The following WDTC1 variants were observed in gnomAD, a reference collection of about 807,000 sequenced individuals.
WDTC1 encodes WD and tetratricopeptide repeats 1, also known as WD and tetratricopeptide repeats protein 1.
In WDTC1, 12 loss-of-function variants were observed where a neutral mutation model predicts 76.0. That is an observed-to-expected ratio of 0.16 (90% CI 0.10 to 0.26). The LOEUF (loss-of-function observed/expected upper bound fraction) is 0.26. WDTC1 is among the 10% of genes least tolerant of loss of function. The probability of loss-of-function intolerance (pLI) is 1.00; values close to 1 mark genes in which losing one functional copy is unlikely to be tolerated. For missense variants in WDTC1, 511 were observed against 908.8 expected (o/e 0.56, Z 5.63); for synonymous variants, 326 against 350.8 (o/e 0.93, Z 0.79).
chr1:27,245,789 C>T lies in WDTC1; in HGVS notation c.-100+10838C>T, dbSNP rs12037736. Among the ~76,000 whole-genome samples the T allele has an allele frequency of 7.3e-4, 111 of 151,484 alleles. 2 individuals carry two copies. In the East Asian group the frequency reaches 0.015, roughly 20 times the overall value. On this transcript the variant is annotated intron_variant, in intron 1 of 15. Coordinates refer to ENST00000319394, the MANE Select transcript of WDTC1 (RefSeq NM_001276252.2). Reference sequence around the variant, plus strand: ...TTCACCATGTTGGCCAGGCTGGTCTCGAACTCCTGACCTCCTGGTCCACCC... The same window carrying T: ...TTCACCATGTTGGCCAGGCTGGTCTTGAACTCCTGACCTCCTGGTCCACCC...
chr1:27,306,640 A>C lies in WDTC1; in HGVS notation c.*257A>C. On this transcript the variant is annotated 3_prime_UTR_variant, in exon 16 of 16. Transcript: ENST00000319394. The surrounding 1 kb of genome is among the most constrained non-coding windows in gnomAD (Gnocchi z 5.0). The stretch of plus-strand genomic sequence containing the variant: ...GACACCCCTCCATATGCCCCCCCCC[A>C]TCTCCTGCTTTCATGTCCCTGGAGG... 5.8e-6 allele frequency: 3 copies of C among 518,510 alleles called. No homozygotes were observed. The highest frequency in any genetic ancestry group is 2.2e-5 in the South Asian group (1 of 44,680). 32.1% of individuals were successfully genotyped at this position (518,510 alleles called of 1,614,324 possible).
In WDTC1 at chr1:27,305,220, GAGGGC is replaced by G; in HGVS notation, c.1836+32_1836+36del. The stretch of plus-strand genomic sequence containing the variant: ...TGAGGGTGCAGAGCCAAGCAGAGAG[GAGGGC>G]AGGGACTCTGTGGAAGGCTCCAGTG... On this transcript the variant is annotated intron_variant, in intron 15 of 15. Coordinates refer to ENST00000319394, the MANE Select transcript of WDTC1 (RefSeq NM_001276252.2). The surrounding 1 kb of genome is among the most constrained non-coding windows in gnomAD (Gnocchi z 4.6). 6.2e-7 allele frequency: 1 copy of G among 1,607,318 alleles called. No homozygotes were observed. Among genetic ancestry groups the G allele is most frequent in the East Asian group, 2.2e-5 (1 of 44,770 alleles).
chr1:27,258,482 A>C lies in WDTC1; in HGVS notation c.-99-2474A>C, dbSNP rs1043674224. ...AGGAGGCAGAGGTTGCAGTGAGCCAAGATTATGCCACTGCACTCCAGCCTG... is the reference window on the plus strand; with the variant it reads ...AGGAGGCAGAGGTTGCAGTGAGCCACGATTATGCCACTGCACTCCAGCCTG... On this transcript the variant is annotated intron_variant, in intron 1 of 15. Transcript: ENST00000319394. Among the ~76,000 whole-genome samples the C allele has an allele frequency of 4.5e-4, 63 of 140,326 alleles. 4 individuals are homozygous for C. Among genetic ancestry groups the C allele is most frequent in the Non-Finnish European group, 1.5e-5 (1 of 65,712 alleles). 92.1% of individuals were successfully genotyped at this position (140,326 alleles called of 152,430 possible).
intron 8 of WDTC1, 152 bp downstream of exon 8, chr1:27,294,268 GCTATGTCAC>G: frequency 1.2e-6 from 1 of 866,824 alleles, no homozygotes; most frequent in African/African-American, 1.7e-5. Context: ...CCATTGACAA[GCTATGTCAC>G]CTTCAGCAAA....
At chr1:27,293,453 A>AAG (rs397738654) in intron 7 of WDTC1, among the ~76,000 whole-genome samples, 4 of 150,114 alleles carry the variant, frequency 2.7e-5, no homozygotes, top group African/African-American at 7.3e-5. Context: ...AAAAAAAAAA[A>AAG]GTATAAATTA....
chr1:27,253,284 G>T (rs1051651293), intron 1 of WDTC1, among the ~76,000 whole-genome samples: 6 of 151,526 alleles, frequency 4.0e-5, no homozygotes, highest in African/African-American at 9.7e-5. Flanking sequence ...CAAAGTGCTG[G>T]GATTACAGGT....
chr1:27,304,770 T>C (rs954910737), intron 14 of WDTC1: 2 of 478,404 alleles, frequency 4.2e-6, no homozygotes, highest in Admixed American at 3.5e-5. Flanking sequence ...TAATGAACTA[T>C]AGGGGAGACT....
chr1:27,257,364 T>C (rs1192734692), intron 1 of WDTC1, among the ~76,000 whole-genome samples: 1 of 152,072 alleles, frequency 6.6e-6, no homozygotes, highest in Non-Finnish European at 1.5e-5. Context: ...CAGGAATGAG[T>C]GTCTACTTGG....
In WDTC1 at chr1:27,302,342, C is replaced by T. The variant is rs553842957; in HGVS notation, c.1468+881C>T. On this transcript the variant is annotated intron_variant, in intron 13 of 15. Coordinates refer to ENST00000319394, the MANE Select transcript of WDTC1 (RefSeq NM_001276252.2). ...CATGGGGACCTGAATGGTGTGCATG[C>T]TGGGAGGGGGTGGGCTTGATGGCAT... Among the ~76,000 whole-genome samples the T allele has an allele frequency of 7.3e-5, 11 of 151,600 alleles. No homozygotes were observed. The East Asian group carries it at 1.9e-3, about 27-fold the overall frequency.
chr1:27,263,880 T>C (rs868652558), intron 3 of WDTC1, among the ~76,000 whole-genome samples: 7 of 152,002 alleles, frequency 4.6e-5, no homozygotes, highest in South Asian at 2.1e-4. Flanking sequence ...CATATACATA[T>C]ACGTATACAT....
intron 1 of WDTC1, among the ~76,000 whole-genome samples, chr1:27,239,428 G>C (rs1314278955): frequency 6.6e-6 from 1 of 150,776 alleles, no homozygotes; most frequent in South Asian, 2.1e-4. Flanking sequence ...AATCTGAGGC[G>C]GGGGCATCAC....
chr1:27,268,181 C>G (rs1557489998), intron 3 of WDTC1, among the ~76,000 whole-genome samples: 1 of 152,130 alleles, frequency 6.6e-6, no homozygotes, highest in South Asian at 2.1e-4. Context: ...TGGCTCACCC[C>G]TGTAATCTCA....
intron 3 of WDTC1, among the ~76,000 whole-genome samples, chr1:27,272,523 T>C (rs2012901442): frequency 6.6e-6 from 1 of 152,222 alleles, no homozygotes; most frequent in Non-Finnish European, 1.5e-5. Flanking sequence ...CATAACTACT[T>C]TGTGTATGTT....
chr1:27,284,368 A>G (rs2013271604), intron 5 of WDTC1, among the ~76,000 whole-genome samples: 2 of 152,224 alleles, frequency 1.3e-5, no homozygotes, highest in African/African-American at 4.8e-5. Flanking sequence ...GTGAGAATGA[A>G]GTTGTCCTTC....
rs1238895309 is a variant in WDTC1, at chr1:27,306,974, C to CTG, written c.*594_*595dup. 6.4e-6 allele frequency: 1 copy of CTG among 156,300 alleles called. No individual in the cohort carries two copies. The highest frequency in any genetic ancestry group is 1.4e-5 in the Non-Finnish European group (1 of 70,666). 9.7% of individuals were successfully genotyped at this position (156,300 alleles called of 1,614,324 possible). ...AAGACCAGGCCACCTGCTGAGGTCG[C>CTG]TGTGGAGCACCCTCGCTCCTCTCCT... On this transcript the variant is annotated 3_prime_UTR_variant, in exon 16 of 16. Transcript: ENST00000319394. The surrounding 1 kb of genome is among the most constrained non-coding windows in gnomAD (Gnocchi z 5.0).
At chr1:27,299,071 CCT>C (rs1242100479) in intron 12 of WDTC1, among the ~76,000 whole-genome samples, 1 of 152,198 alleles carries the variant, frequency 6.6e-6, no homozygotes, top group African/African-American at 2.4e-5. Context: ...AGTTGATTCA[CCT>C]CTCTGTCCAA....
intron 10 of WDTC1, 38 bp from the exon 11 acceptor site, chr1:27,297,010 T>G: frequency 6.3e-7 from 1 of 1,597,166 alleles, no homozygotes; most frequent in Non-Finnish European, 8.6e-7. Flanking sequence ...GTCCTCTTCC[T>G]GAGTTGTTGC....
intron 3 of WDTC1, among the ~76,000 whole-genome samples, chr1:27,281,666 C>G (rs1448113626): frequency 6.6e-6 from 1 of 151,910 alleles, no homozygotes; most frequent in African/African-American, 2.4e-5. Context: ...TCAGCTCACT[C>G]CAACCTCCAC....
chr1:27,306,502 T>C lies in WDTC1; in HGVS notation c.*119T>C. On this transcript the variant is annotated 3_prime_UTR_variant, in exon 16 of 16. Coordinates refer to ENST00000319394, the MANE Select transcript of WDTC1 (RefSeq NM_001276252.2). This position sits in a 1 kb window ranked among gnomAD's most constrained non-coding sequence, Gnocchi z 5.0. ...CCACCCTTTTTTTTCATTTCCCCTG[T>C]TTTGTTTGTTAGTTTGGCGTTAGGG... is the stretch of plus-strand genomic sequence containing the variant. 6 of 1,293,636 alleles carry C rather than the reference T, an allele frequency of 4.6e-6. No individual in the cohort carries two copies. The highest frequency in any genetic ancestry group is 6.2e-6 in the Non-Finnish European group (6 of 965,372). 80.1% of individuals were successfully genotyped at this position (1,293,636 alleles called of 1,614,324 possible).
Sources: allele counts gnomAD v4.1 joint callset (sites outside exome capture counted in the v4.1 genomes callset), GRCh38; gene constraint gnomAD v4.1.1; non-coding constraint Gnocchi (gnomAD v3.1); transcripts MANE v1.5; gene names NCBI Gene and HGNC (gene_info 2026-07-23, HGNC 2026-07-21).